The following ATR variants were observed in gnomAD, a reference collection of about 807,000 sequenced individuals.
ATR encodes the protein serine/threonine-protein kinase ATR.
In ATR, 142 loss-of-function variants were observed where a neutral mutation model predicts 305.3. That is an observed-to-expected ratio of 0.47 (90% CI 0.41 to 0.53). The LOEUF (loss-of-function observed/expected upper bound fraction) is 0.53. ATR is among the 20% of genes least tolerant of loss of function. The pLI is 0.00. For missense variants in ATR, 2,135 were observed against 3,133.1 expected, an observed-to-expected ratio of 0.68 and a Z score of 7.60; for synonymous variants, 1,050 against 1,068.1, an observed-to-expected ratio of 0.98 and a Z score of 0.33.
At chr3:142,512,219 CTAAA>C in intron 27 of ATR, 37 bp downstream of exon 27, 1 of 975,468 alleles carries the variant, frequency 1.0e-6, no homozygotes. Flanking sequence ...TGGTGAATAG[CTAAA>C]AAAAAAAAAA....
In ATR at chr3:142,549,751, A is replaced by T. The variant is rs1577678015; in HGVS notation, c.2977-78T>A. On this transcript the variant is annotated intron_variant, in intron 14 of 46. Transcript: ENST00000350721. ...ATATTCACATAAGCTATGTGCAAAAATATTTTTAAATGCCACACATATTTG... is the reference window on the plus strand; with the variant it reads ...ATATTCACATAAGCTATGTGCAAAATTATTTTTAAATGCCACACATATTTG... 18 of 1,315,190 alleles carry T rather than the reference A, an allele frequency of 1.4e-5. No individual in the cohort carries two copies. The East Asian group carries it at 4.4e-4, about 32-fold the overall frequency. 81.5% of individuals were successfully genotyped at this position (1,315,190 alleles called of 1,614,324 possible).
rs2035164760 is a variant in ATR, at chr3:142,568,807, G to A, written c.60-653C>T. On this transcript the variant is annotated intron_variant, in intron 1 of 46. Coordinates refer to ENST00000350721, the MANE Select transcript of ATR (RefSeq NM_001184.4). ...TGTGGGGGAGCCCAGGTGTTGTCAG[G>A]ACCAGGCCGCGTGTGCATGTGCTCA... is the stretch of plus-strand genomic sequence containing the variant. 3.3e-5 allele frequency among the ~76,000 whole-genome samples: 5 copies of A among 152,372 alleles called. No homozygotes were observed. In the South Asian group the frequency reaches 1.0e-3, roughly 32 times the overall value.
At chr3:142,533,526 G>GA (rs2033742439) in intron 21 of ATR, among the ~76,000 whole-genome samples, 1 of 152,006 alleles carries the variant, frequency 6.6e-6, no homozygotes, top group African/African-American at 2.4e-5. Flanking sequence ...CCACAGTTGG[G>GA]AAAAAACCCA....
chr3:142,464,864 T>C (rs1283717997), intron 41 of ATR, among the ~76,000 whole-genome samples: 2 of 152,194 alleles, frequency 1.3e-5, no homozygotes, highest in Non-Finnish European at 2.9e-5. Flanking sequence ...TGTCAAATGT[T>C]AAGTTTTATG....
intron 30 of ATR, 73 bp downstream of exon 30, chr3:142,503,289 T>C: frequency 9.6e-7 from 1 of 1,042,112 alleles, no homozygotes. Context: ...AAACATTAAA[T>C]TACCCAATTC....
intron 42 of ATR, among the ~76,000 whole-genome samples, chr3:142,459,732 C>T (rs1232398534): frequency 6.6e-6 from 1 of 151,906 alleles, no homozygotes; most frequent in Non-Finnish European, 1.5e-5. Context: ...TTCTGCAGGG[C>T]TGACTGAGAC....
intron 21 of ATR, among the ~76,000 whole-genome samples, chr3:142,533,234 G>A (rs1372507058): frequency 6.6e-6 from 1 of 152,176 alleles, no homozygotes; most frequent in African/African-American, 2.4e-5. Flanking sequence ...GTTTCAGGCT[G>A]CAGGGAGCTA....
At chr3:142,481,410 C>T (rs758787529) in intron 36 of ATR, among the ~76,000 whole-genome samples, 1 of 152,176 alleles carries the variant, frequency 6.6e-6, no homozygotes, top group Non-Finnish European at 1.5e-5. Flanking sequence ...TCCACTTGGT[C>T]ATGGTGAATG....
intron 21 of ATR, among the ~76,000 whole-genome samples, chr3:142,529,259 A>G (rs2033543635): frequency 6.6e-6 from 1 of 151,946 alleles, no homozygotes; most frequent in Non-Finnish European, 1.5e-5. Context: ...AATTAAGGTA[A>G]TTTTTTGAAA....
chr3:142,453,555 A>G (rs1212664929), intron 45 of ATR, among the ~76,000 whole-genome samples: 1 of 152,174 alleles, frequency 6.6e-6, no homozygotes, highest in Admixed American at 6.5e-5. Flanking sequence ...ATCCCTTACC[A>G]TGTCTTCAAT....
rs775855698 is a variant in ATR, at chr3:142,469,339, T to C, written c.6550A>G (p.Lys2184Glu). ...AAAAAGGTAAAAGACCCTTTTACCT[T>C]TGACACAGCTGTCATCATCCACATT... ...QAMWMMTAVS[K>E]SSYPMRVNRC... The change falls in exon 38 of 47, where the codon AAG becomes GAG. Residue 2184 changes from lysine (K) to glutamate (E), a missense_variant and splice_region_variant. Physicochemically the swap from Lys to Glu is moderately conservative, Grantham distance 56. Around this residue, in one of 9 missense-constraint regions of ATR, gnomAD observed 462 missense variants for 887.6 expected, o/e 0.52. Coordinates refer to ENST00000350721, the MANE Select transcript of ATR (RefSeq NM_001184.4). 2 of 1,611,996 alleles carry C rather than the reference T, an allele frequency of 1.2e-6. No homozygotes were observed. The highest frequency in any genetic ancestry group is 2.2e-5 in the East Asian group (1 of 44,846).
intron 17 of ATR, among the ~76,000 whole-genome samples, chr3:142,541,236 G>A (rs2034040824): frequency 6.6e-6 from 1 of 152,084 alleles, no homozygotes; most frequent in Non-Finnish European, 1.5e-5. Flanking sequence ...AAAAATACAA[G>A]TTGAGTTCTT....
intron 4 of ATR, 144 bp from the exon 5 acceptor site, chr3:142,561,565 T>C: frequency 1.3e-6 from 1 of 795,764 alleles, no homozygotes; most frequent in Non-Finnish European, 2.0e-6. Flanking sequence ...AACATCTAAA[T>C]TGATCTATAT....
chr3:142,520,019 T>C (rs753413537), intron 23 of ATR, among the ~76,000 whole-genome samples: 3 of 152,178 alleles, frequency 2.0e-5, no homozygotes, highest in Non-Finnish European at 2.9e-5. Flanking sequence ...CCCAACAACA[T>C]ATGCTCACTT....
intron 42 of ATR, among the ~76,000 whole-genome samples, chr3:142,460,656 T>C (rs1357707873): frequency 6.6e-6 from 1 of 152,174 alleles, no homozygotes; most frequent in Admixed American, 6.5e-5. Flanking sequence ...TAAACTCGCT[T>C]AGTTTGCAGT....
In ATR at chr3:142,466,435, T is replaced by C. The variant is rs1035476600; in HGVS notation, c.6786A>G (p.Leu2262=). The C allele has an allele frequency of 5.0e-6, 8 of 1,613,754 alleles. No homozygotes were observed. The Admixed American group carries it at 8.3e-5, about 17-fold the overall frequency. Residue 2262 remains leucine, a synonymous_variant, in exon 40 of 47, where the codon CTA becomes CTG. Transcript: ENST00000350721. ...GAAGTGTAGGTATCATGACTGATTG[T>C]AGAGGAATGAGGATTTCACTAAATG... ...EATFSEILIP[L]QSVMIPTLPS...
chr3:142,563,697 C>T (rs2034964976), intron 3 of ATR, among the ~76,000 whole-genome samples: 1 of 152,136 alleles, frequency 6.6e-6, no homozygotes, highest in African/African-American at 2.4e-5. Flanking sequence ...GGAAGAGTCA[C>T]ACATCTCTCA....
chr3:142,531,836 C>A (rs1415028972), intron 21 of ATR, among the ~76,000 whole-genome samples: 1 of 152,222 alleles, frequency 6.6e-6, no homozygotes, highest in Admixed American at 6.5e-5. Flanking sequence ...GCCACACTGA[C>A]TTCCACAATG....
intron 21 of ATR, among the ~76,000 whole-genome samples, chr3:142,529,297 G>C (rs1199532095): frequency 6.6e-6 from 1 of 151,722 alleles, no homozygotes; most frequent in East Asian, 1.9e-4. Context: ...TTCCTTATTT[G>C]ACTTTCTATA....
Sources: gnomAD v4.1 joint callset for allele counts (sites outside exome capture counted in the v4.1 genomes callset) on GRCh38, gnomAD v4.1.1 for gene constraint, gnomAD v4.1.1 regional missense constraint, MANE v1.5 for transcripts, NCBI Gene and HGNC (gene_info 2026-07-23, HGNC 2026-07-21) for gene names.